Variants in PDXDC1 observed in about 807,000 individuals in gnomAD.
PDXDC1 encodes pyridoxal dependent decarboxylase domain containing 1.
PDXDC1 carries 42 observed loss-of-function variants against 100.1 expected under a neutral mutation model. The ratio of observed to expected loss-of-function variants is 0.42; its 90% CI spans 0.33 to 0.54. The LOEUF (loss-of-function observed/expected upper bound fraction) is 0.54. PDXDC1 is among the 20% of genes least tolerant of loss of function. The pLI is 0.10. For synonymous variants in PDXDC1, 260 were observed against 371.7 expected (o/e 0.70, Z 3.46); for missense variants, 636 against 979.2 (o/e 0.65, Z 4.68).
rs1221194805 is a variant in PDXDC1 at position 15,075,394 on chromosome 16, G to A, written c.1399+45338G>A. Among the ~76,000 whole-genome samples the A allele has an allele frequency of 2.6e-5, 4 of 152,192 alleles. No individual in the cohort carries two copies. The East Asian group carries it at 5.8e-4, about 22-fold the overall frequency. ...TTGAGACCAGCCTGGGCAACACAGT[G>A]AGACCTGTCTCTACAAAAATAGAAA... On this transcript the variant is annotated intron_variant, in intron 16 of 16. Coordinates refer to the PDXDC1 transcript ENST00000535621.
chr16:15,100,546 G>A (rs1273913098), intron 16 of PDXDC1, among the ~76,000 whole-genome samples: 1 of 152,148 alleles, frequency 6.6e-6, no homozygotes. Flanking sequence ...TGAACTGTGG[G>A]ATGTTCAGCA....
At chr16:14,995,636 C>A (rs1971800581) in intron 1 of PDXDC1, among the ~76,000 whole-genome samples, 1 of 152,408 alleles carries the variant, frequency 6.6e-6, no homozygotes, top group South Asian at 2.1e-4. Context: ...GCTTTGGTAT[C>A]AGAATAATGT....
intron 3 of PDXDC1, among the ~76,000 whole-genome samples, chr16:14,998,657 C>G (rs1284859557): frequency 2.6e-5 from 4 of 152,292 alleles, no homozygotes; most frequent in African/African-American, 9.6e-5. Context: ...CCATGTTGGC[C>G]AGGCTGGTTT....
Position 15,056,012 on chromosome 16 carries a change from C to A in PDXDC1, c.1399+25956C>A, listed in dbSNP as rs889542588. ...CCAGGCAGGCCCAGGGAGGCGGCGG[C>A]CCCCCGCTTTGCAGCCCCGGGCCGC... On this transcript the variant is annotated intron_variant, in intron 16 of 16. Coordinates refer to the PDXDC1 transcript ENST00000535621. 12 of 1,102,008 alleles carry A rather than the reference C, an allele frequency of 1.1e-5. No homozygotes were observed. The East Asian group carries it at 3.8e-4, about 35-fold the overall frequency. 68.3% of individuals were successfully genotyped at this position (1,102,008 alleles called of 1,614,324 possible).
intron 3 of PDXDC1, among the ~76,000 whole-genome samples, chr16:15,000,566 G>A: frequency 6.6e-6 from 1 of 152,402 alleles, no homozygotes; most frequent in South Asian, 2.1e-4. Context: ...CTCATTAACA[G>A]ACGAATAGCC....
intron 16 of PDXDC1, among the ~76,000 whole-genome samples, chr16:15,057,540 T>C (rs192267830): frequency 5.3e-5 from 8 of 152,344 alleles, no homozygotes; most frequent in African/African-American, 1.9e-4. Context: ...GACTGTACTG[T>C]AAACAACTCA....
chr16:14,977,445 A>G (rs1256427512), intron 1 of PDXDC1, among the ~76,000 whole-genome samples: 1 of 152,206 alleles, frequency 6.6e-6, no homozygotes. Context: ...ACACCCGACT[A>G]ATTTTTGTAT....
At chr16:15,022,404 T>C (rs1159684352) in intron 12 of PDXDC1, among the ~76,000 whole-genome samples, 2 of 152,296 alleles carry the variant, frequency 1.3e-5, no homozygotes, top group African/African-American at 4.8e-5. Context: ...TGTTCAGTAC[T>C]GTGCCTTGCA....
chr16:15,127,753 A>C (rs1425604634), intron 16 of PDXDC1: 2 of 1,547,938 alleles, frequency 1.3e-6, no homozygotes, highest in African/African-American at 2.7e-5. Flanking sequence ...GCAGATGAGG[A>C]GAACGCAGCA....
chr16:14,981,471 A>G (rs1217262088), intron 1 of PDXDC1, among the ~76,000 whole-genome samples: 7 of 152,308 alleles, frequency 4.6e-5, no homozygotes, highest in African/African-American at 1.7e-4. Flanking sequence ...TTATAACAGT[A>G]TCTGCTTCTG....
chr16:15,073,645 G>A (rs748378764), intron 16 of PDXDC1, among the ~76,000 whole-genome samples: 3 of 152,154 alleles, frequency 2.0e-5, no homozygotes, highest in Non-Finnish European at 4.4e-5. Flanking sequence ...CATTCGTGTA[G>A]CAAAAGACCT....
At chr16:14,991,476 C>CT (rs1319612617) in intron 1 of PDXDC1, among the ~76,000 whole-genome samples, 1 of 151,148 alleles carries the variant, frequency 6.6e-6, no homozygotes, top group Non-Finnish European at 1.5e-5. Context: ...GATTTTTGTA[C>CT]TTTTTGCAGA....
At chr16:15,106,478 G>A (rs1189032908) in intron 16 of PDXDC1, among the ~76,000 whole-genome samples, 2 of 149,364 alleles carry the variant, frequency 1.3e-5, no homozygotes, top group Non-Finnish European at 3.0e-5. Flanking sequence ...AGTCTGAGCC[G>A]GTCACGGTGG....
chr16:15,032,668 A>AAAAAAAAAAAAAT, intron 17 of PDXDC1, 193 bp from the exon 18 acceptor site: 1 of 374,106 alleles, frequency 2.7e-6, no homozygotes, highest in Non-Finnish European at 4.6e-6. Context: ...AAAAAAAAAA[A>AAAAAAAAAAAAAT]AGGCTTTCCT....
At chr16:15,047,763 A>C in intron 16 of PDXDC1, 4 of 1,147,536 alleles carry the variant, frequency 3.5e-6, no homozygotes, top group Non-Finnish European at 5.3e-6. Flanking sequence ...TCCGCTTCCA[A>C]CAAGACACCA....
chr16:15,060,147 ATATGTAAATGTCT>A (rs1293281496), intron 16 of PDXDC1: 37 of 411,198 alleles, frequency 9.0e-5, no homozygotes, highest in Non-Finnish European at 1.6e-4. Flanking sequence ...AAACAGACTT[ATATGTAAATGTCT>A]TTCTACATTA....
At chr16:15,084,645 G>A in intron 16 of PDXDC1, 1 of 1,602,304 alleles carries the variant, frequency 6.2e-7, no homozygotes, top group Non-Finnish European at 8.6e-7. Flanking sequence ...TACTCACGAT[G>A]GTACATATCT....
intron 16 of PDXDC1, among the ~76,000 whole-genome samples, chr16:15,089,430 G>A (rs1447968168): frequency 6.6e-6 from 1 of 152,134 alleles, no homozygotes; most frequent in Non-Finnish European, 1.5e-5. Context: ...AATCAACAGA[G>A]TGAGAAAAGA....
intron 14 of PDXDC1, among the ~76,000 whole-genome samples, 182 bp downstream of exon 14, chr16:15,026,888 G>C (rs1308459815): frequency 1.3e-5 from 2 of 152,310 alleles, no homozygotes; most frequent in African/African-American, 4.8e-5. Flanking sequence ...TTTGCTGATA[G>C]TTTGCGGTGA....
Sources: gnomAD v4.1 joint callset for allele counts (sites outside exome capture counted in the v4.1 genomes callset) on GRCh38, gnomAD v4.1.1 for gene constraint, MANE v1.5 for transcripts, NCBI Gene and HGNC (gene_info 2026-07-23, HGNC 2026-07-21) for gene names.